Variants in EPB41L4A observed in about 807,000 individuals in gnomAD.
EPB41L4A encodes erythrocyte membrane protein band 4.1 like 4A, also known as band 4.1-like protein 4A.
EPB41L4A carries 100 observed loss-of-function variants against 108.6 expected under a neutral mutation model. The ratio of observed to expected loss-of-function variants is 0.92; its 90% confidence interval spans 0.78 to 1.09. EPB41L4A has a LOEUF of 1.09. Ranked by LOEUF, EPB41L4A falls within the 50% of genes least tolerant of loss-of-function variation. EPB41L4A has a pLI of 0.00. For missense variants in EPB41L4A, 1,030 were observed against 842.7 expected, an observed-to-expected ratio of 1.22 and a Z score of -2.75; for synonymous variants, 319 against 289.0, an observed-to-expected ratio of 1.10 and a Z score of -1.05.
intron 1 of EPB41L4A, among the ~76,000 whole-genome samples, chr5:112,389,708 TA>T (rs1164099263): frequency 6.6e-6 from 1 of 152,224 alleles, no homozygotes; most frequent in Non-Finnish European, 1.5e-5. Flanking sequence ...TTGGAACACT[TA>T]CTCTACTTAT....
chr5:112,212,594 C>T (rs1747269460), intron 12 of EPB41L4A, among the ~76,000 whole-genome samples: 1 of 152,018 alleles, frequency 6.6e-6, no homozygotes, highest in South Asian at 2.1e-4. Context: ...TGTGCCCAGC[C>T]CCCTAACATT....
At chr5:112,247,521 T>C (rs10068493) in intron 9 of EPB41L4A, among the ~76,000 whole-genome samples, 34,018 of 152,168 alleles carry the variant, frequency 0.22, 4,440 homozygotes, top group Non-Finnish European at 0.3. Flanking sequence ...TGGCTGAGAA[T>C]GACTTCTCTG....
chr5:112,350,324 G>A (rs1757961339), intron 1 of EPB41L4A, among the ~76,000 whole-genome samples: 4 of 152,112 alleles, frequency 2.6e-5, no homozygotes, highest in Admixed American at 2.6e-4. Flanking sequence ...AATTAGTTGG[G>A]CATGTCCTAG....
chr5:112,262,625 A>C lies in EPB41L4A; in HGVS notation c.555-44T>G, dbSNP rs762902745. On this transcript the variant is annotated intron_variant, in intron 6 of 22. Coordinates refer to ENST00000261486, the MANE Select transcript of EPB41L4A (RefSeq NM_022140.5). ...CAAAGAGCCTTATTTTACAGCAGCT[A>C]CTGCACTTACAGGGATGCAAACTAT... 1.8e-5 allele frequency: 27 copies of C among 1,489,938 alleles called. No homozygotes were observed. The Admixed American group carries it at 4.1e-4, about 23-fold the overall frequency. 92.3% of individuals were successfully genotyped at this position (1,489,938 alleles called of 1,614,324 possible). A position where few individuals can be genotyped will look rare whatever the true frequency, so the allele number is the denominator to read the frequency against.
In EPB41L4A at chr5:112,312,356, T is replaced by C. The variant is rs1370807385; in HGVS notation, c.100-4866A>G. 2.0e-5 allele frequency among the ~76,000 whole-genome samples: 3 copies of C among 152,342 alleles called. No homozygotes were observed. The East Asian group carries it at 5.8e-4, about 29-fold the overall frequency. On this transcript the variant is annotated intron_variant, in intron 1 of 22. Coordinates refer to ENST00000261486, the MANE Select transcript of EPB41L4A (RefSeq NM_022140.5). ...TATAGAATCTGGTGCTGCAAATGCT[T>C]TGCAAATATTATCCTTTAGCATCTT...
chr5:112,351,282 G>A (rs1246596669), intron 1 of EPB41L4A, among the ~76,000 whole-genome samples: 1 of 152,060 alleles, frequency 6.6e-6, no homozygotes, highest in Non-Finnish European at 1.5e-5. Flanking sequence ...AACAGAAAAG[G>A]AGACATTACA....
At chr5:112,227,170 G>A (rs994430692) in intron 12 of EPB41L4A, among the ~76,000 whole-genome samples, 13 of 152,014 alleles carry the variant, frequency 8.6e-5, no homozygotes, top group East Asian at 7.7e-4. Context: ...CTTCACACTC[G>A]ATTTATACTG....
At chr5:112,165,396 C>CT (rs1760182335) in intron 22 of EPB41L4A, among the ~76,000 whole-genome samples, 1 of 152,152 alleles carries the variant, frequency 6.6e-6, no homozygotes, top group Non-Finnish European at 1.5e-5. Flanking sequence ...AGTGTCATTA[C>CT]TTTTGTTAAC....
At chr5:112,252,952 G>A (rs1011099856) in intron 9 of EPB41L4A, among the ~76,000 whole-genome samples, 1 of 152,158 alleles carries the variant, frequency 6.6e-6, no homozygotes, top group Non-Finnish European at 1.5e-5. Flanking sequence ...CAGTGCTCTT[G>A]TTTCAGTGGA....
intron 1 of EPB41L4A, among the ~76,000 whole-genome samples, chr5:112,400,764 T>C (rs1037249071): frequency 2.0e-5 from 3 of 152,176 alleles, no homozygotes; most frequent in African/African-American, 7.2e-5. Flanking sequence ...TCTAATTTAA[T>C]GTATGTTCAT....
chr5:112,324,657 A>C (rs1366131620), intron 1 of EPB41L4A, among the ~76,000 whole-genome samples: 2 of 149,276 alleles, frequency 1.3e-5, no homozygotes, highest in Non-Finnish European at 3.0e-5. Context: ...CAGGGGCGGA[A>C]GTTGCAGTGA....
At chr5:112,203,377 A>C (rs994759217) in intron 15 of EPB41L4A, among the ~76,000 whole-genome samples, 1 of 152,078 alleles carries the variant, frequency 6.6e-6, no homozygotes, top group African/African-American at 2.4e-5. Flanking sequence ...CAAAAACCAC[A>C]AAAACCAAAA....
chr5:112,275,524 T>G, intron 3 of EPB41L4A, 120 bp from the exon 4 acceptor site: 1 of 1,233,144 alleles, frequency 8.1e-7, no homozygotes, highest in Non-Finnish European at 1.1e-6. Context: ...CAAGAAAACA[T>G]AAGATAAAAA....
chr5:112,239,666 C>T lies in EPB41L4A; in HGVS notation c.959G>A (p.Arg320His), dbSNP rs753031698. 15 of 1,597,374 alleles carry T rather than the reference C, an allele frequency of 9.4e-6. No individual in the cohort carries two copies. The highest frequency in any genetic ancestry group is 4.5e-5 in the East Asian group (2 of 43,986). ...SKFGSIRYKH[R>H]YSGRTALQMS... ...GGAAAAAAATGTCATTTACCTGTAG[C>T]GGTGCTTATAACGTATGGATCCAAA... The change falls in exon 11 of 23, where the codon CGC becomes CAC. Residue 320 changes from arginine (R) to histidine (H), a missense_variant. Transcript: ENST00000261486.
chr5:112,394,056 C>T (rs1020034590), intron 1 of EPB41L4A, among the ~76,000 whole-genome samples: 4 of 152,192 alleles, frequency 2.6e-5, no homozygotes, highest in Non-Finnish European at 5.9e-5. Context: ...ATGCCAAAAA[C>T]TCTCAATAAA....
chr5:112,160,862 G>A (rs10478071), downstream of EPB41L4A: 2 of 156,272 alleles, frequency 1.3e-5, no homozygotes, highest in Non-Finnish European at 1.5e-5. Flanking sequence ...ACGGAAGCCT[G>A]TCCTTTCTTC....
At chr5:112,184,161 G>A (rs1265277715) in intron 17 of EPB41L4A, 26 bp from the exon 18 acceptor site, 5 of 1,612,772 alleles carry the variant, frequency 3.1e-6, no homozygotes, top group South Asian at 2.2e-5. Context: ...TGCATCTGAA[G>A]TTAACATCTA....
At chr5:112,361,266 A>G (rs533780184) in intron 1 of EPB41L4A, among the ~76,000 whole-genome samples, 2 of 151,702 alleles carry the variant, frequency 1.3e-5, no homozygotes, top group South Asian at 4.2e-4. Context: ...ACTAAGGGTT[A>G]AATGGATTAA....
At chr5:112,218,487 G>A (rs916967730) in intron 12 of EPB41L4A, among the ~76,000 whole-genome samples, 3 of 152,076 alleles carry the variant, frequency 2.0e-5, no homozygotes, top group Non-Finnish European at 4.4e-5. Flanking sequence ...CTACACAGCC[G>A]ACTGACACAC....
Sources: gnomAD v4.1 joint callset for allele counts (sites outside exome capture counted in the v4.1 genomes callset) on GRCh38, gnomAD v4.1.1 for gene constraint, MANE v1.5 for transcripts, NCBI Gene and HGNC (gene_info 2026-07-23, HGNC 2026-07-21) for gene names.